The following FKBP15 variants were observed in gnomAD, a reference collection of about 807,000 sequenced individuals.
The protein encoded by FKBP15 is FK506-binding protein 15.
In FKBP15, 106 loss-of-function variants were observed where a neutral mutation model predicts 158.1. The ratio of observed to expected loss-of-function variants is 0.67; its 90% CI spans 0.57 to 0.79. FKBP15 has a LOEUF of 0.79. Ranked by LOEUF, FKBP15 falls within the 30% of genes least tolerant of loss-of-function variation. The pLI is 0.00. For synonymous variants in FKBP15, 547 were observed against 548.6 expected (o/e 1.00, Z 0.04); for missense variants, 1,287 against 1,479.1 (o/e 0.87, Z 2.13).
At chr9:113,219,925 G>A (rs1265279776) in intron 1 of FKBP15, among the ~76,000 whole-genome samples, 6 of 152,234 alleles carry the variant, frequency 3.9e-5, no homozygotes, top group Admixed American at 3.9e-4. Flanking sequence ...GACGGGGTAG[G>A]AAGGGAACAG....
rs75463153 is a variant in FKBP15, at chr9:113,221,080, G to A, written c.53+111C>T. 6 of 1,194,980 alleles carry A rather than the reference G, an allele frequency of 5.0e-6. No homozygotes were observed. In the East Asian group the frequency reaches 1.6e-4, roughly 31 times the overall value. 74.0% of individuals were successfully genotyped at this position (1,194,980 alleles called of 1,614,324 possible). A position where few individuals can be genotyped will look rare whatever the true frequency, so the allele number is the denominator to read the frequency against. The stretch of plus-strand genomic sequence containing the variant: ...GGTGTAGAGCACCGGAATGTGGCAA[G>A]GGTCTCCCCCCGGAAGTTGGGAAAA... On this transcript the variant is annotated intron_variant, in intron 1 of 27. Transcript: ENST00000238256.
At position 113,193,488 on chromosome 9, in the gene FKBP15, T is replaced by C. The variant is rs371216171; in HGVS notation, c.1065+4A>G. 8.2e-6 allele frequency: 13 copies of C among 1,589,374 alleles called. No individual in the cohort carries two copies. The highest frequency in any genetic ancestry group is 1.8e-5 in the Admixed American group (1 of 56,366). Reference sequence around the variant, plus strand: ...CCATGCCTGGCCAAGACTCTTATACTTACTGTATTTATTGCAAGTTGTTCA... The same window carrying C: ...CCATGCCTGGCCAAGACTCTTATACCTACTGTATTTATTGCAAGTTGTTCA... On this transcript the variant is annotated splice_donor_region_variant and intron_variant, in intron 11 of 27. Transcript: ENST00000238256.
chr9:113,214,414 T>C (rs2118957765), intron 1 of FKBP15, among the ~76,000 whole-genome samples: 1 of 152,378 alleles, frequency 6.6e-6, no homozygotes, highest in South Asian at 2.1e-4. Context: ...AGTGACCAAG[T>C]ACACTGTCAA....
At position 113,203,006 on chromosome 9, in the gene FKBP15, T is replaced by A. The variant is rs76264003; in HGVS notation, c.354A>T (p.Gln118His). The change falls in exon 5 of 28, where the codon CAA (glutamine) becomes CAT (histidine). Residue 118 changes from glutamine to histidine, a missense_variant. Transcript: ENST00000238256. ...EYRILLYISQQQPVTVARIHV... is the reference protein window; with the variant it reads ...EYRILLYISQHQPVTVARIHV... ...GAATCCTAGCAACCGTAACTGGCTG[T>A]TGTTGACTGATATAAAGAAGAATCC... is the stretch of plus-strand genomic sequence containing the variant. 5.6e-6 allele frequency: 9 copies of A among 1,612,900 alleles called. No individual in the cohort carries two copies. Among genetic ancestry groups the A allele is most frequent in the Non-Finnish European group, 7.6e-6 (9 of 1,179,484 alleles).
intron 14 of FKBP15, chr9:113,187,312 C>G (rs1401948803): frequency 6.2e-6 from 1 of 160,698 alleles, no homozygotes; most frequent in East Asian, 1.9e-4. Context: ...CCCTGGCAAA[C>G]AGGCTGCTGC....
intron 3 of FKBP15, 93 bp downstream of exon 3, chr9:113,207,119 G>A (rs760353979): frequency 3.5e-5 from 34 of 978,628 alleles, no homozygotes; most frequent in Admixed American, 1.0e-4. Flanking sequence ...CTAAATAACC[G>A]TTTTGCAACA....
At chr9:113,203,706 T>C (rs7851935) in intron 4 of FKBP15, among the ~76,000 whole-genome samples, 50,512 of 151,708 alleles carry the variant, frequency 0.33, 8,659 homozygotes, top group African/African-American at 0.38. Flanking sequence ...TTTGTATTTT[T>C]AGTAGAGACC....
intron 23 of FKBP15, 128 bp downstream of exon 23, chr9:113,173,325 A>T: frequency 1.1e-6 from 1 of 924,746 alleles, no homozygotes; most frequent in Non-Finnish European, 1.6e-6. Flanking sequence ...GACAAGCTAA[A>T]CAAGTGTGGT....
intron 20 of FKBP15, among the ~76,000 whole-genome samples, chr9:113,177,861 T>C (rs1343681668): frequency 6.6e-6 from 1 of 152,100 alleles, no homozygotes; most frequent in Non-Finnish European, 1.5e-5. Flanking sequence ...TTCTATCCAA[T>C]CACCATGTCT....
chr9:113,179,580 G>A (rs1044332904), intron 19 of FKBP15, among the ~76,000 whole-genome samples: 3 of 151,392 alleles, frequency 2.0e-5, no homozygotes, highest in African/African-American at 7.3e-5. Flanking sequence ...AGAATCACTT[G>A]AACCTGGGAG....
At position 113,182,767 on chromosome 9, in the gene FKBP15, T is replaced by A. The variant is rs1210426213; in HGVS notation, c.1913A>T (p.Lys638Met). 1 of 1,613,494 alleles carries A rather than the reference T, an allele frequency of 6.2e-7. No individual in the cohort carries two copies. Among genetic ancestry groups the A allele is most frequent in the Non-Finnish European group, 8.5e-7 (1 of 1,179,424 alleles). Residue 638 changes from lysine (K) to methionine (M), a missense_variant and splice_region_variant, in exon 19 of 28, where the codon AAG becomes ATG. Transcript: ENST00000238256. ...QARVLHAEQEKAKVTEELAAA... is the reference protein window; with the variant it reads ...QARVLHAEQEMAKVTEELAAA... ...CTTTTCTCTCCCCAGTTGCTTTACC[T>A]TCTCTTGTTCAGCATGCAATACTCT...
Position 113,165,308 on chromosome 9 carries a change from AACC to A in FKBP15, c.*767_*769del, listed in dbSNP as rs1314595605. ...AGGATGACTGGACTGGTCCTCACAG[AACC>A]ATCATGCCCCAGGGATGAGCTAGGA... On this transcript the variant is annotated 3_prime_UTR_variant, in exon 28 of 28. Coordinates refer to ENST00000238256, the MANE Select transcript of FKBP15 (RefSeq NM_015258.2). The A allele has an allele frequency of 6.6e-6, 1 of 152,230 alleles. No individual in the cohort carries two copies. The highest frequency in any genetic ancestry group is 1.5e-5 in the Non-Finnish European group (1 of 68,052). The allele number at this position is 152,230 out of a possible 1,614,324, so 9.4% of individuals were successfully genotyped here.
At chr9:113,215,663 T>A (rs1483485039) in intron 1 of FKBP15, among the ~76,000 whole-genome samples, 1 of 121,276 alleles carries the variant, frequency 8.2e-6, no homozygotes, top group South Asian at 2.7e-4. Flanking sequence ...TTTTTTTTTT[T>A]TTTTGAGATG....
At chr9:113,170,412 A>G in intron 25 of FKBP15, 110 bp downstream of exon 25, 1 of 811,834 alleles carries the variant, frequency 1.2e-6, no homozygotes, top group Non-Finnish European at 2.1e-6. Flanking sequence ...GATTACAAGC[A>G]TAAGCCACTG....
At position 113,194,102 on chromosome 9, in the gene FKBP15, G is replaced by A. The variant is rs1289358201; in HGVS notation, c.932C>T (p.Ser311Phe). 1.2e-6 allele frequency: 2 copies of A among 1,613,654 alleles called. No homozygotes were observed. Among genetic ancestry groups the A allele is most frequent in the African/African-American group, 1.3e-5 (1 of 75,000 alleles). ...SVSSRDSAAP[S>F]PIPGADNLSA... is the part of the protein sequence containing the mutation. ...GAGGTTGTCAGCACCAGGGATGGGAGACGGAGCTGCAGAATCGCGGGAACT... is the reference window on the plus strand; with the variant it reads ...GAGGTTGTCAGCACCAGGGATGGGAAACGGAGCTGCAGAATCGCGGGAACT... The change falls in exon 10 of 28, where the codon TCT (serine) becomes TTT (phenylalanine). Residue 311 changes from serine to phenylalanine, a missense_variant. Transcript: ENST00000238256.
intron 9 of FKBP15, among the ~76,000 whole-genome samples, chr9:113,195,312 T>C (rs1454496359): frequency 1.3e-5 from 2 of 152,202 alleles, no homozygotes; most frequent in Non-Finnish European, 2.9e-5. Flanking sequence ...TATGATTCTC[T>C]ACCAGCCTTG....
intron 8 of FKBP15, among the ~76,000 whole-genome samples, chr9:113,197,925 T>A (rs1396982063): frequency 6.6e-6 from 1 of 152,186 alleles, no homozygotes; most frequent in Admixed American, 6.5e-5. Context: ...AAAGTCTCCA[T>A]AGGATTCTGG....
rs192340616 is a variant in FKBP15 at position 113,168,508 on chromosome 9, T to C, written c.3534A>G (p.Lys1178=). The C allele has an allele frequency of 2.5e-6, 4 of 1,613,990 alleles. No individual in the cohort carries two copies. The Admixed American group carries it at 5.0e-5, about 20-fold the overall frequency. The change falls in exon 27 of 28, where the codon AAA becomes AAG. Residue 1178 remains lysine (K), a synonymous_variant. Coordinates refer to ENST00000238256, the MANE Select transcript of FKBP15 (RefSeq NM_015258.2). Reference sequence around the variant, plus strand: ...CAGGCTGTGCTTTGGGCCTCAGAGCTTTCAGAGTTGCCCCTTTAAACAGTT... The same window carrying C: ...CAGGCTGTGCTTTGGGCCTCAGAGCCTTCAGAGTTGCCCCTTTAAACAGTT... ...EDELFKGATL[K]ALRPKAQPEE...
chr9:113,213,871 G>A (rs1293589981), intron 1 of FKBP15, among the ~76,000 whole-genome samples: 1 of 152,190 alleles, frequency 6.6e-6, no homozygotes, highest in Non-Finnish European at 1.5e-5. Flanking sequence ...TATCAGCCAA[G>A]AGCCAACCTT....
Sources: gnomAD v4.1 joint callset for allele counts (sites outside exome capture counted in the v4.1 genomes callset) on GRCh38, gnomAD v4.1.1 for gene constraint, MANE v1.5 for transcripts, NCBI Gene and HGNC (gene_info 2026-07-23, HGNC 2026-07-21) for gene names.